The following UBE2W variants were observed in gnomAD, a reference collection of about 807,000 sequenced individuals.
The protein encoded by UBE2W is ubiquitin conjugating enzyme E2 W.
Under a neutral mutation model 27.2 loss-of-function variants are expected in UBE2W, and 18 were observed. That is an observed-to-expected ratio of 0.66 (90% confidence interval 0.46 to 0.98). The LOEUF is 0.98. Ranked by LOEUF, UBE2W falls within the 50% of genes least tolerant of loss-of-function variation. The pLI is 0.00. For synonymous variants in UBE2W, 53 were observed against 57.2 expected (o/e 0.93, Z 0.33); for missense variants, 90 against 180.2 (o/e 0.50, Z 2.87).
chr8:73,816,082 C>T (rs559848696), intron 3 of UBE2W, among the ~76,000 whole-genome samples: 3 of 152,296 alleles, frequency 2.0e-5, no homozygotes, highest in African/African-American at 7.2e-5. Context: ...TTTTAGTCCT[C>T]TCATACACAG....
chr8:73,820,015 C>T (rs573251969), intron 3 of UBE2W, among the ~76,000 whole-genome samples: 3 of 152,270 alleles, frequency 2.0e-5, no homozygotes, highest in South Asian at 2.1e-4. Context: ...GGTTGCCCTA[C>T]GTTGCCCAGG....
chr8:73,816,965 C>G (rs1053368148), intron 3 of UBE2W, among the ~76,000 whole-genome samples: 2 of 151,972 alleles, frequency 1.3e-5, no homozygotes, highest in African/African-American at 4.8e-5. Context: ...ACCCGGGAGG[C>G]GGAGGTTGCA....
In UBE2W at chr8:73,793,066, A is replaced by G. The variant is rs1368328192; in HGVS notation, c.*1036T>C. On this transcript the variant is annotated 3_prime_UTR_variant, in exon 6 of 6. Transcript: ENST00000602593. ...AAATTTACAAGAAAAAACTTAACAAAAGTTTCAATAAAAGTATTGTAACAT... is the reference window on the plus strand; with the variant it reads ...AAATTTACAAGAAAAAACTTAACAAGAGTTTCAATAAAAGTATTGTAACAT... 2 of 985,506 alleles carry G rather than the reference A, an allele frequency of 2.0e-6. No individual in the cohort carries two copies. The highest frequency in any genetic ancestry group is 6.1e-5 in the Admixed American group (1 of 16,270). 61.0% of individuals were successfully genotyped at this position (985,506 alleles called of 1,614,324 possible).
At chr8:73,811,229 G>A (rs1422594308) in intron 3 of UBE2W, among the ~76,000 whole-genome samples, 1 of 152,072 alleles carries the variant, frequency 6.6e-6, no homozygotes, top group Non-Finnish European at 1.5e-5. Context: ...AGTTGACCAA[G>A]TCTCCCAATT....
At chr8:73,876,921 C>G (rs1347919509) in intron 1 of UBE2W, among the ~76,000 whole-genome samples, 1 of 152,008 alleles carries the variant, frequency 6.6e-6, no homozygotes, top group Non-Finnish European at 1.5e-5. Flanking sequence ...GAGCCAAGAT[C>G]GCCCCATTGC....
At chr8:73,866,288 AAAATATATATATATATAT>A (rs1811764271) in intron 1 of UBE2W, among the ~76,000 whole-genome samples, 2 of 80,362 alleles carry the variant, frequency 2.5e-5, no homozygotes, top group African/African-American at 5.2e-5. Context: ...AAAAAAAAAA[AAAATATATATATATATAT>A]ATATATATAT....
rs1342175171 is a variant in UBE2W at position 73,865,782 on chromosome 8, CTA to C, written c.15+13024_15+13025del. Among the ~76,000 whole-genome samples, 14 of 152,160 alleles carry C rather than the reference CTA, an allele frequency of 9.2e-5. No homozygotes were observed. In the East Asian group the frequency reaches 2.3e-3, roughly 25 times the overall value. On this transcript the variant is annotated intron_variant, in intron 1 of 5. Transcript: ENST00000602593. ...TGTTCCTTTCATGTAGTACAAAAGA[CTA>C]TTCTAATTTTAAAATTTTTTAAATT...
chr8:73,868,579 G>A (rs1811871855), intron 1 of UBE2W, among the ~76,000 whole-genome samples: 1 of 152,024 alleles, frequency 6.6e-6, no homozygotes, highest in Non-Finnish European at 1.5e-5. Context: ...GGTAACCTGG[G>A]AACCTACAAC....
At chr8:73,806,796 T>C (rs1229266648) in intron 4 of UBE2W, among the ~76,000 whole-genome samples, 1 of 152,244 alleles carries the variant, frequency 6.6e-6, no homozygotes, top group Non-Finnish European at 1.5e-5. Flanking sequence ...CTGTTTTTAC[T>C]GTAATAGAAT....
chr8:73,845,079 A>ACC (rs1810730042), intron 1 of UBE2W, among the ~76,000 whole-genome samples: 1 of 6,468 alleles, frequency 1.5e-4, no homozygotes, highest in Non-Finnish European at 1.1e-3. Flanking sequence ...GGCCAGCTGC[A>ACC]CCATCTGGGA....
At chr8:73,841,960 T>C (rs1177696344) in intron 1 of UBE2W, among the ~76,000 whole-genome samples, 1 of 152,172 alleles carries the variant, frequency 6.6e-6, no homozygotes, top group Non-Finnish European at 1.5e-5. Context: ...CATGGATTCA[T>C]AGCCTGAATT....
In UBE2W at chr8:73,791,611, A is replaced by T. The variant is rs1808203765; in HGVS notation, c.*2491T>A. 2.0e-6 allele frequency: 2 copies of T among 985,122 alleles called. No individual in the cohort carries two copies. Among genetic ancestry groups the T allele is most frequent in the African/African-American group, 1.7e-5 (1 of 57,328 alleles). 61.0% of individuals were successfully genotyped at this position (985,122 alleles called of 1,614,324 possible). A position where few individuals can be genotyped will look rare whatever the true frequency, so the allele number is the denominator to read the frequency against. On this transcript the variant is annotated 3_prime_UTR_variant, in exon 6 of 6. Coordinates refer to ENST00000602593, the MANE Select transcript of UBE2W (RefSeq NM_018299.6). ...ATTAATTGCTCTCTGTAGAGCAATG[A>T]CTCAGATAAATGCCTTATGACTTTT... is the stretch of plus-strand genomic sequence containing the variant.
At chr8:73,830,842 T>C (rs1810036601) in intron 1 of UBE2W, among the ~76,000 whole-genome samples, 1 of 152,228 alleles carries the variant, frequency 6.6e-6, no homozygotes, top group South Asian at 2.1e-4. Flanking sequence ...AATATCCTTC[T>C]ACAATCTGAA....
intron 1 of UBE2W, among the ~76,000 whole-genome samples, chr8:73,845,075 CTG>C (rs1810729576): frequency 6.6e-6 from 1 of 150,720 alleles, no homozygotes; most frequent in Non-Finnish European, 1.5e-5. Flanking sequence ...GCCCGGCCAG[CTG>C]CACCATCTGG....
At chr8:73,874,345 G>C (rs1003203527) in intron 1 of UBE2W, among the ~76,000 whole-genome samples, 3 of 152,108 alleles carry the variant, frequency 2.0e-5, no homozygotes, top group African/African-American at 7.2e-5. Context: ...GCAGGAGAAC[G>C]GCATGAAGCC....
chr8:73,839,589 A>C (rs1810452367), intron 1 of UBE2W, among the ~76,000 whole-genome samples: 1 of 151,332 alleles, frequency 6.6e-6, no homozygotes, highest in Non-Finnish European at 1.5e-5. Flanking sequence ...CCCAGGAGGC[A>C]GAGTTTGCAG....
At chr8:73,844,320 G>A (rs182226779) in intron 1 of UBE2W, among the ~76,000 whole-genome samples, 37 of 152,144 alleles carry the variant, frequency 2.4e-4, no homozygotes, top group Non-Finnish European at 3.2e-4. Flanking sequence ...ACTGGTTTTC[G>A]TATCTTTTGG....
At chr8:73,859,459 T>A (rs950553348) in intron 1 of UBE2W, among the ~76,000 whole-genome samples, 1 of 152,204 alleles carries the variant, frequency 6.6e-6, no homozygotes, top group Admixed American at 6.5e-5. Context: ...TGAGCTGAGA[T>A]TGCGCCACTG....
chr8:73,796,169 T>C (rs1328233740), intron 5 of UBE2W, among the ~76,000 whole-genome samples: 1 of 151,736 alleles, frequency 6.6e-6, no homozygotes, highest in Non-Finnish European at 1.5e-5. Flanking sequence ...CTTAGGAATA[T>C]TAATAAGTTC....
Sources: gnomAD v4.1 joint callset for allele counts (sites outside exome capture counted in the v4.1 genomes callset) on GRCh38, gnomAD v4.1.1 for gene constraint, MANE v1.5 for transcripts, NCBI Gene and HGNC (gene_info 2026-07-23, HGNC 2026-07-21) for gene names.